The following WWOX variants were observed in gnomAD, a reference collection of about 807,000 sequenced individuals.
WWOX encodes WW domain-containing oxidoreductase.
A neutral mutation model predicts 46.2 loss-of-function variants in WWOX; 69 were observed. The observed-to-expected ratio is 1.49, with a 90% CI of 1.23 to 1.82. The LOEUF is 1.82. Among genes scored for constraint, WWOX ranks in the 40% most tolerant of loss-of-function variants. The pLI, the probability that WWOX is intolerant of heterozygous loss-of-function variation, is 0.00. For synonymous variants in WWOX, 359 were observed against 202.6 expected, an observed-to-expected ratio of 1.77 and a Z score of -6.56; for missense variants, 919 against 542.6, an observed-to-expected ratio of 1.69 and a Z score of -6.89.
intron 8 of WWOX, among the ~76,000 whole-genome samples, chr16:78,831,991 A>G (rs996095923): frequency 6.6e-6 from 1 of 152,098 alleles, no homozygotes; most frequent in East Asian, 1.9e-4. Context: ...CCACTAACTC[A>G]CTACCTAGGT....
chr16:78,585,802 G>C (rs1398466048), intron 8 of WWOX, among the ~76,000 whole-genome samples: 1 of 151,456 alleles, frequency 6.6e-6, no homozygotes, highest in Non-Finnish European at 1.5e-5. Context: ...CCCGTATCAT[G>C]GTGCTCCTTG....
At chr16:78,881,653 G>T (rs900105307) in intron 8 of WWOX, among the ~76,000 whole-genome samples, 1 of 152,140 alleles carries the variant, frequency 6.6e-6, no homozygotes, top group Non-Finnish European at 1.5e-5. Context: ...TAGCTCCATT[G>T]TGTTAAATAC....
chr16:78,613,877 C>T (rs2045957360), intron 8 of WWOX, among the ~76,000 whole-genome samples: 1 of 152,204 alleles, frequency 6.6e-6, no homozygotes, highest in Non-Finnish European at 1.5e-5. Context: ...TCAGCAAATT[C>T]ACAGCCCATA....
At chr16:78,888,864 G>C (rs1377509082) in intron 8 of WWOX, among the ~76,000 whole-genome samples, 1 of 151,986 alleles carries the variant, frequency 6.6e-6, no homozygotes, top group East Asian at 1.9e-4. Context: ...CTGCCCAGCA[G>C]TATTTCTGTT....
chr16:78,487,397 G>A (rs1367507107), intron 8 of WWOX, among the ~76,000 whole-genome samples: 1 of 152,106 alleles, frequency 6.6e-6, no homozygotes, highest in Non-Finnish European at 1.5e-5. Context: ...ACAAACTAAT[G>A]AGATCTATTA....
intron 4 of WWOX, among the ~76,000 whole-genome samples, chr16:78,126,573 T>A (rs1049581334): frequency 6.6e-5 from 10 of 152,188 alleles, no homozygotes; most frequent in African/African-American, 9.7e-5. Flanking sequence ...ATCATTTAAT[T>A]TTCAAAATGT....
At chr16:78,436,495 T>C (rs1015997365) in intron 8 of WWOX, among the ~76,000 whole-genome samples, 1 of 152,224 alleles carries the variant, frequency 6.6e-6, no homozygotes, top group Non-Finnish European at 1.5e-5. Flanking sequence ...AATATGTAGC[T>C]AAGAGTCTTA....
chr16:78,431,311 A>G (rs1324065854), intron 7 of WWOX, among the ~76,000 whole-genome samples: 1 of 152,186 alleles, frequency 6.6e-6, no homozygotes, highest in Non-Finnish European at 1.5e-5. Context: ...TTTTCTTTTA[A>G]ACGTATAAGA....
intron 5 of WWOX, among the ~76,000 whole-genome samples, chr16:78,310,905 G>A (rs535992059): frequency 2.6e-5 from 4 of 152,292 alleles, no homozygotes; most frequent in South Asian, 2.1e-4. Context: ...TTGTTGTCAC[G>A]ATGTACAGGA....
intron 8 of WWOX, among the ~76,000 whole-genome samples, chr16:79,054,598 G>A (rs1430982151): frequency 6.6e-6 from 1 of 152,214 alleles, no homozygotes; most frequent in Non-Finnish European, 1.5e-5. Context: ...AAGGTGGGAA[G>A]ATCCCTTGAG....
intron 8 of WWOX, among the ~76,000 whole-genome samples, chr16:78,959,859 C>T (rs1029541389): frequency 3.9e-4 from 60 of 152,292 alleles, no homozygotes; most frequent in African/African-American, 1.4e-3. Context: ...GCCTGGTTTT[C>T]TTCTGGAGAG....
chr16:78,643,348 CTG>C (rs1408194258), intron 8 of WWOX, among the ~76,000 whole-genome samples: 1 of 152,126 alleles, frequency 6.6e-6, no homozygotes. Context: ...AGTAATGAAA[CTG>C]AGGCTTCTGG....
intron 8 of WWOX, among the ~76,000 whole-genome samples, chr16:78,714,204 T>A (rs1469132): frequency 0.079 from 12,034 of 152,230 alleles, 740 homozygotes; most frequent in African/African-American, 0.18. Flanking sequence ...CTCACACTGC[T>A]AGTGAAGACA....
chr16:78,256,708 T>C (rs568122256), intron 5 of WWOX, among the ~76,000 whole-genome samples: 1 of 152,260 alleles, frequency 6.6e-6, no homozygotes, highest in South Asian at 2.1e-4. Context: ...GTTGAATGAC[T>C]GAATGAATGG....
intron 8 of WWOX, among the ~76,000 whole-genome samples, chr16:78,826,983 C>G (rs1405882817): frequency 6.6e-6 from 1 of 152,180 alleles, no homozygotes; most frequent in South Asian, 2.1e-4. Context: ...TGAGGACTAA[C>G]CAGCCGGGTT....
chr16:78,812,332 C>A (rs940774496), intron 8 of WWOX, among the ~76,000 whole-genome samples: 16 of 152,040 alleles, frequency 1.1e-4, no homozygotes, highest in Non-Finnish European at 1.9e-4. Context: ...GGTTTTGAGA[C>A]CCTCAGGGTG....
At chr16:78,618,670 C>T (rs2046090350) in intron 8 of WWOX, among the ~76,000 whole-genome samples, 1 of 152,090 alleles carries the variant, frequency 6.6e-6, no homozygotes, top group Admixed American at 6.5e-5. Context: ...TCAACAGGAT[C>T]CATGTTTGAT....
chr16:78,586,266 C>T (rs2045204738), intron 8 of WWOX, among the ~76,000 whole-genome samples: 1 of 152,140 alleles, frequency 6.6e-6, no homozygotes, highest in Non-Finnish European at 1.5e-5. Context: ...CACTGCATTT[C>T]AGCCTGGGTG....
At chr16:78,568,868 C>A (rs558174154) in intron 8 of WWOX, among the ~76,000 whole-genome samples, 3 of 152,356 alleles carry the variant, frequency 2.0e-5, no homozygotes, top group South Asian at 4.1e-4. Context: ...TTCTGTCTTA[C>A]ACGTTTTACG....
Sources: gnomAD v4.1 joint callset for allele counts (sites outside exome capture counted in the v4.1 genomes callset) on GRCh38, gnomAD v4.1.1 for gene constraint, MANE v1.5 for transcripts, NCBI Gene and HGNC (gene_info 2026-07-23, HGNC 2026-07-21) for gene names.